The following GPR149 variants were observed in gnomAD, a reference collection of about 807,000 sequenced individuals.
GPR149 encodes the protein G protein-coupled receptor 149, also known as probable G protein-coupled receptor 149.
Under a neutral mutation model 50.2 loss-of-function variants are expected in GPR149, and 50 were observed. That is an observed-to-expected ratio of 1.00 (90% CI 0.79 to 1.26). The LOEUF is 1.26. Among genes scored for constraint, GPR149 ranks in the 50% most tolerant of loss-of-function variants. The pLI is 0.00. For synonymous variants in GPR149, 405 were observed against 358.2 expected, an observed-to-expected ratio of 1.13 and a Z score of -1.48; for missense variants, 983 against 895.4, an observed-to-expected ratio of 1.10 and a Z score of -1.25.
intron 3 of GPR149, among the ~76,000 whole-genome samples, chr3:154,398,756 T>C (rs1230922902): frequency 6.6e-6 from 1 of 152,180 alleles, no homozygotes; most frequent in East Asian, 1.9e-4. Flanking sequence ...ATTTCATCAA[T>C]GTAGGAACTA....
chr3:154,359,528 C>T (rs1714328948), intron 3 of GPR149, among the ~76,000 whole-genome samples: 1 of 152,138 alleles, frequency 6.6e-6, no homozygotes, highest in Non-Finnish European at 1.5e-5. Flanking sequence ...GCCTCCAATC[C>T]ACCCCAGATG....
At chr3:154,406,522 A>G (rs1711688402) in intron 3 of GPR149, among the ~76,000 whole-genome samples, 1 of 152,230 alleles carries the variant, frequency 6.6e-6, no homozygotes. Flanking sequence ...GCTACAGAGT[A>G]GTTAAATTGA....
rs770205837 is a variant in GPR149, at chr3:154,338,265, C to T, written c.1630G>A (p.Gly544Ser). 3.7e-5 allele frequency: 57 copies of T among 1,549,764 alleles called. No homozygotes were observed. In the African/African-American group the frequency reaches 4.1e-4, roughly 11 times the overall value. ...KSERTPRQRS[G>S]YALAIPLCAF... ...CACAAGGGAATGGCAAGGGCATAAC[C>T]GGAACGCTGGGGACAAAAACAAAAT... The change falls in exon 4 of 4, where the codon GGT (glycine) becomes AGT (serine). Residue 544 changes from glycine to serine, a missense_variant. By Grantham distance (56) the Gly-to-Ser change is moderately conservative. Transcript: ENST00000389740.
Position 154,429,400 on chromosome 3 carries a change from AG to A in GPR149, c.215del (p.Ala72ValfsTer9), listed in dbSNP as rs1250839868. On this transcript the variant is annotated frameshift_variant, in exon 1 of 4. Coordinates refer to ENST00000389740, the MANE Select transcript of GPR149 (RefSeq NM_001038705.3). LOFTEE classifies it high-confidence loss of function. ...QNRTVVSMLV[A>X]SWSVDDLMSV... is the part of the protein sequence containing the mutation. The stretch of plus-strand genomic sequence containing the variant: ...TCATGAGATCATCCACAGACCAGGA[AG>A]CCACAAGCATGGACACAACAGTTCT... 5 of 1,614,110 alleles carry A rather than the reference AG, an allele frequency of 3.1e-6. No individual in the cohort carries two copies. In the Admixed American group the frequency reaches 8.3e-5, roughly 27 times the overall value.
chr3:154,355,361 AT>A (rs1243875240), intron 3 of GPR149, among the ~76,000 whole-genome samples: 9 of 152,270 alleles, frequency 5.9e-5, no homozygotes, highest in African/African-American at 2.2e-4. Flanking sequence ...GTATTCTCAT[AT>A]TTTCAATTCA....
intron 3 of GPR149, among the ~76,000 whole-genome samples, chr3:154,368,509 T>C (rs573606460): frequency 2.0e-5 from 3 of 152,318 alleles, no homozygotes; most frequent in African/African-American, 7.2e-5. Flanking sequence ...ATTTCCTCCA[T>C]TGCTTCCCAC....
intron 3 of GPR149, among the ~76,000 whole-genome samples, chr3:154,417,022 A>G (rs1193145976): frequency 6.6e-6 from 1 of 151,932 alleles, no homozygotes; most frequent in Non-Finnish European, 1.5e-5. Context: ...CTTGGTATTA[A>G]AAGAGAAAAT....
chr3:154,400,009 C>T (rs1382305175), intron 3 of GPR149, among the ~76,000 whole-genome samples: 3 of 152,186 alleles, frequency 2.0e-5, no homozygotes, highest in South Asian at 2.1e-4. Flanking sequence ...TATTTTGAGA[C>T]GGAGTCTCAC....
At chr3:154,380,576 G>A (rs529070800) in intron 3 of GPR149, among the ~76,000 whole-genome samples, 9 of 152,194 alleles carry the variant, frequency 5.9e-5, no homozygotes, top group African/African-American at 2.2e-4. Context: ...CAAAGTGTTG[G>A]GATTAGAGGC....
chr3:154,369,839 A>G (rs1299021078), intron 3 of GPR149, among the ~76,000 whole-genome samples: 1 of 152,234 alleles, frequency 6.6e-6, no homozygotes, highest in Non-Finnish European at 1.5e-5. Flanking sequence ...ACTGAAAAAG[A>G]AGCAGCTTTA....
chr3:154,375,248 T>C (rs1269382568), intron 3 of GPR149, among the ~76,000 whole-genome samples: 3 of 152,176 alleles, frequency 2.0e-5, no homozygotes, highest in African/African-American at 7.2e-5. Flanking sequence ...TTGTCTTCAA[T>C]AGTTCCATGC....
chr3:154,352,299 C>T (rs2108389874), intron 3 of GPR149: 1 of 904,786 alleles, frequency 1.1e-6, no homozygotes, highest in Non-Finnish European at 1.7e-6. Context: ...TGACCAGCCA[C>T]TTGACCAGCC....
chr3:154,359,664 G>C (rs936408411), intron 3 of GPR149, among the ~76,000 whole-genome samples: 3 of 152,132 alleles, frequency 2.0e-5, no homozygotes, highest in Non-Finnish European at 4.4e-5. Context: ...CAAGCTGACT[G>C]AGTGGTAACT....
chr3:154,377,969 G>A (rs1189398377), intron 3 of GPR149, among the ~76,000 whole-genome samples: 2 of 151,942 alleles, frequency 1.3e-5, no homozygotes, highest in Non-Finnish European at 2.9e-5. Flanking sequence ...AGTTTTTTGG[G>A]TCTGGCTTCT....
intron 3 of GPR149, among the ~76,000 whole-genome samples, chr3:154,375,509 T>G (rs950632183): frequency 2.0e-5 from 3 of 152,226 alleles, no homozygotes; most frequent in Admixed American, 2.0e-4. Flanking sequence ...ACTTTTAACA[T>G]GCTGAATGAA....
At chr3:154,368,623 T>C (rs1013880316) in intron 3 of GPR149, among the ~76,000 whole-genome samples, 10 of 152,174 alleles carry the variant, frequency 6.6e-5, no homozygotes, top group African/African-American at 2.4e-4. Context: ...ATAGTTGGTA[T>C]TGGAAGGAAG....
At chr3:154,359,865 T>A (rs1363130061) in intron 3 of GPR149, among the ~76,000 whole-genome samples, 1 of 152,182 alleles carries the variant, frequency 6.6e-6, no homozygotes, top group Non-Finnish European at 1.5e-5. Flanking sequence ...ATGATGATTT[T>A]AATTAATTAA....
chr3:154,395,450 G>GTATATA (rs58944835), intron 3 of GPR149, among the ~76,000 whole-genome samples: 15 of 145,722 alleles, frequency 1.0e-4, no homozygotes, highest in African/African-American at 3.0e-4. Context: ...ATATATATAA[G>GTATATA]TATATATATA....
chr3:154,411,556 G>A (rs1233334214), intron 3 of GPR149, among the ~76,000 whole-genome samples: 1 of 152,028 alleles, frequency 6.6e-6, no homozygotes, highest in Non-Finnish European at 1.5e-5. Context: ...GATTATTCAA[G>A]GCTACTGTGA....
Sources: allele counts gnomAD v4.1 joint callset (sites outside exome capture counted in the v4.1 genomes callset), GRCh38; gene constraint gnomAD v4.1.1; transcripts MANE v1.5; gene names NCBI Gene and HGNC (gene_info 2026-07-23, HGNC 2026-07-21).